The following TCERG1L variants were observed in gnomAD, a reference collection of about 807,000 sequenced individuals.
TCERG1L encodes the protein transcription elongation regulator 1-like protein.
A neutral mutation model predicts 56.3 loss-of-function variants in TCERG1L; 37 were observed. That is an observed-to-expected ratio of 0.66 (90% CI 0.51 to 0.87). The LOEUF (loss-of-function observed/expected upper bound fraction) is 0.87, where lower values mean the gene tolerates loss of function less well. Among genes scored for constraint, TCERG1L ranks in the 40% least tolerant of loss-of-function variants. The pLI is 0.00. For missense variants in TCERG1L, 799 were observed against 774.2 expected (o/e 1.03, Z -0.38); for synonymous variants, 324 against 326.3 (o/e 0.99, Z 0.08).
chr10:131,129,960 T>C (rs1203765848), intron 8 of TCERG1L, among the ~76,000 whole-genome samples: 2 of 151,998 alleles, frequency 1.3e-5, no homozygotes, highest in African/African-American at 4.8e-5. Context: ...TGAGAACTCA[T>C]GCACTATCAT....
In TCERG1L at chr10:131,293,838, T is replaced by G. The variant is rs895306904; in HGVS notation, c.670+14373A>C. 3.3e-5 allele frequency among the ~76,000 whole-genome samples: 5 copies of G among 152,198 alleles called. No individual in the cohort carries two copies. In the South Asian group the frequency reaches 1.0e-3, roughly 32 times the overall value. ...ATAGAAGCACTTCAGGTTGGGTAAT[T>G]TTATTTATGAGTTTATATTTGTAAT... On this transcript the variant is annotated intron_variant, in intron 3 of 11. Coordinates refer to ENST00000368642, the MANE Select transcript of TCERG1L (RefSeq NM_174937.4).
chr10:131,110,488 C>G (rs1845399585), intron 9 of TCERG1L, among the ~76,000 whole-genome samples: 1 of 152,190 alleles, frequency 6.6e-6, no homozygotes, highest in Non-Finnish European at 1.5e-5. Context: ...CCAGGTTTAC[C>G]CTGAGCACCC....
chr10:131,139,883 T>G (rs1258550361), intron 7 of TCERG1L, among the ~76,000 whole-genome samples: 1 of 152,190 alleles, frequency 6.6e-6, no homozygotes, highest in East Asian at 1.9e-4. Context: ...CATTTGTGTG[T>G]GTGTCTGAGT....
At chr10:131,292,521 C>A (rs935923473) in intron 3 of TCERG1L, among the ~76,000 whole-genome samples, 3 of 152,016 alleles carry the variant, frequency 2.0e-5, no homozygotes, top group Admixed American at 2.0e-4. Context: ...TCCATTTTTT[C>A]TATTTTTAAA....
intron 8 of TCERG1L, among the ~76,000 whole-genome samples, chr10:131,127,858 G>C (rs529940615): frequency 1.3e-5 from 2 of 152,116 alleles, no homozygotes; most frequent in East Asian, 3.9e-4. Context: ...GGATGACAGA[G>C]AACCACCACG....
chr10:131,116,707 T>G, intron 9 of TCERG1L, 92 bp downstream of exon 9: 2 of 1,495,756 alleles, frequency 1.3e-6, no homozygotes, highest in Non-Finnish European at 1.8e-6. Flanking sequence ...ATGAACTCAG[T>G]GAGGAGGCGA....
intron 4 of TCERG1L, among the ~76,000 whole-genome samples, chr10:131,220,863 C>G (rs1364542405): frequency 6.6e-6 from 1 of 152,230 alleles, no homozygotes; most frequent in Admixed American, 6.5e-5. Flanking sequence ...CCACTGTGCC[C>G]AGTCCGCCAT....
chr10:131,160,731 C>T (rs991216309), intron 6 of TCERG1L: 1 of 152,264 alleles, frequency 6.6e-6, no homozygotes, highest in Non-Finnish European at 1.5e-5. Flanking sequence ...CCCTCACCTA[C>T]CCAGGATTCA....
At chr10:131,253,572 G>A (rs1846133545) in intron 4 of TCERG1L, among the ~76,000 whole-genome samples, 2 of 152,184 alleles carry the variant, frequency 1.3e-5, no homozygotes, top group South Asian at 4.1e-4. Flanking sequence ...CAGCGGCTGG[G>A]TGACGTGGCA....
chr10:131,274,599 C>T (rs1846374072), intron 3 of TCERG1L, among the ~76,000 whole-genome samples: 1 of 152,172 alleles, frequency 6.6e-6, no homozygotes, highest in Non-Finnish European at 1.5e-5. Context: ...GTTAAAACCC[C>T]CTTAGGGCCC....
intron 4 of TCERG1L, among the ~76,000 whole-genome samples, chr10:131,208,794 A>G (rs1452509976): frequency 6.6e-6 from 1 of 152,204 alleles, no homozygotes; most frequent in East Asian, 1.9e-4. Context: ...GCAGTGGCTC[A>G]CGCCTGTAAT....
intron 6 of TCERG1L, among the ~76,000 whole-genome samples, chr10:131,158,076 C>T (rs922054077): frequency 5.9e-5 from 9 of 152,230 alleles, no homozygotes; most frequent in African/African-American, 1.7e-4. Context: ...GGCCACCTCT[C>T]GGCAGCGACA....
rs1564827165 is a variant in TCERG1L at position 131,256,987 on chromosome 10, AG to A, written c.856+3271del. Among the ~76,000 whole-genome samples, 386 of 88,884 alleles carry A rather than the reference AG, an allele frequency of 4.3e-3. 1 individual carries two copies. Among genetic ancestry groups the A allele is most frequent in the East Asian group, 0.012 (43 of 3,598 alleles). 58.3% of individuals were successfully genotyped at this position (88,884 alleles called of 152,430 possible). On this transcript the variant is annotated intron_variant, in intron 4 of 11. Coordinates refer to ENST00000368642, the MANE Select transcript of TCERG1L (RefSeq NM_174937.4). ...AAGGAAGGAAGGAAGGAAGGAAGGAAGGAAGGAAAGAAAGAAAGAAAGAAAG... is the reference window on the plus strand; with the variant it reads ...AAGGAAGGAAGGAAGGAAGGAAGGAAGAAGGAAAGAAAGAAAGAAAGAAAG...
At chr10:131,131,033 C>T (rs769029390) in intron 8 of TCERG1L, among the ~76,000 whole-genome samples, 14 of 152,312 alleles carry the variant, frequency 9.2e-5, no homozygotes, top group East Asian at 1.9e-4. Flanking sequence ...TGAGCACCCA[C>T]GCAAGCTACA....
At chr10:131,245,969 T>C (rs891029989) in intron 4 of TCERG1L, among the ~76,000 whole-genome samples, 4 of 151,802 alleles carry the variant, frequency 2.6e-5, no homozygotes, top group African/African-American at 4.8e-5. Context: ...GCTGAGTTGA[T>C]GGGAATGACG....
chr10:131,210,810 A>T (rs553675595), intron 4 of TCERG1L, among the ~76,000 whole-genome samples: 45 of 152,354 alleles, frequency 3.0e-4, no homozygotes, highest in South Asian at 6.2e-4. Flanking sequence ...TCTGCAGTCA[A>T]TAACTCATTT....
rs1845487008 is a variant in TCERG1L, at chr10:131,118,991, C to T, written c.1260-2057G>A. 6.6e-6 allele frequency among the ~76,000 whole-genome samples: 1 copy of T among 152,118 alleles called. No homozygotes were observed. The highest frequency in any genetic ancestry group is 6.5e-5 in the Admixed American group (1 of 15,270). On this transcript the variant is annotated intron_variant, in intron 8 of 11. Transcript: ENST00000368642. This position sits in a 1 kb window ranked among gnomAD's most constrained non-coding sequence, Gnocchi z 4.2. ...CACAGGACAGCCCCCACCACGCAGG[C>T]TCATGTGGCCCAAGTGGGTCTCCCC...
intron 3 of TCERG1L, among the ~76,000 whole-genome samples, chr10:131,288,742 A>T (rs769718443): frequency 3.3e-5 from 5 of 152,168 alleles, no homozygotes; most frequent in Non-Finnish European, 5.9e-5. Flanking sequence ...AGAGACCCAC[A>T]GAGAAGGCGG....
chr10:131,143,553 G>A (rs1223496965), intron 7 of TCERG1L, among the ~76,000 whole-genome samples: 1 of 152,192 alleles, frequency 6.6e-6, no homozygotes, highest in Non-Finnish European at 1.5e-5. Context: ...GGCCAAGGTG[G>A]TGGGGCTACA....
Sources: allele counts gnomAD v4.1 joint callset (sites outside exome capture counted in the v4.1 genomes callset), GRCh38; gene constraint gnomAD v4.1.1; non-coding constraint Gnocchi (gnomAD v3.1); transcripts MANE v1.5; gene names NCBI Gene and HGNC (gene_info 2026-07-23, HGNC 2026-07-21).